FOLH1: variants seen among roughly 807,000 people sequenced by gnomAD.
FOLH1 encodes the protein folate hydrolase 1.
In FOLH1, 54 loss-of-function variants were observed where a neutral mutation model predicts 93.9. The observed-to-expected ratio is 0.57, with a 90% CI of 0.46 to 0.72. The LOEUF (loss-of-function observed/expected upper bound fraction) is 0.72, where lower values mean the gene tolerates loss of function less well. Ranked by LOEUF, FOLH1 falls within the 30% of genes least tolerant of loss-of-function variation. The probability of loss-of-function intolerance (pLI) is 0.00; values close to 1 mark genes in which losing one functional copy is unlikely to be tolerated. For missense variants in FOLH1, 571 were observed against 892.5 expected (o/e 0.64, Z 4.59); for synonymous variants, 249 against 303.6 (o/e 0.82, Z 1.87).
At chr11:49,153,754 A>T in intron 17 of FOLH1, 92 bp downstream of exon 17, 1 of 898,778 alleles carries the variant, frequency 1.1e-6, no homozygotes, top group Non-Finnish European at 1.5e-6. Flanking sequence ...AGAAATTCCC[A>T]AAGCTAGTTC....
At chr11:49,176,900 C>A (rs566611472) in intron 7 of FOLH1, among the ~76,000 whole-genome samples, 3 of 152,018 alleles carry the variant, frequency 2.0e-5, no homozygotes, top group Admixed American at 6.5e-5. Flanking sequence ...TGATATTATA[C>A]TGAGATGTTT....
At chr11:49,176,268 C>T (rs1028871626) in intron 7 of FOLH1, among the ~76,000 whole-genome samples, 11 of 152,110 alleles carry the variant, frequency 7.2e-5, no homozygotes, top group African/African-American at 2.7e-4. Flanking sequence ...TCTAAAAGTG[C>T]TTTCCAGAGC....
intron 11 of FOLH1, among the ~76,000 whole-genome samples, chr11:49,170,639 A>C (rs1859145290): frequency 6.6e-6 from 1 of 152,204 alleles, no homozygotes; most frequent in Non-Finnish European, 1.5e-5. Context: ...ATATTTTGGA[A>C]AGCGTAATAG....
At chr11:49,158,212 TACTC>T (rs1374611942) in intron 13 of FOLH1, among the ~76,000 whole-genome samples, 169 bp from the exon 14 acceptor site, 1 of 152,106 alleles carries the variant, frequency 6.6e-6, no homozygotes. Flanking sequence ...AGTGGGAAAA[TACTC>T]ATGTGATTAT....
chr11:49,191,815 A>T (rs1387357537), intron 4 of FOLH1, among the ~76,000 whole-genome samples: 2 of 152,226 alleles, frequency 1.3e-5, no homozygotes, highest in Admixed American at 6.5e-5. Context: ...CTCCTGCCTC[A>T]GCCTCCTGAG....
At chr11:49,180,730 T>C (rs1350363834) in intron 7 of FOLH1, among the ~76,000 whole-genome samples, 1 of 152,190 alleles carries the variant, frequency 6.6e-6, no homozygotes, top group Non-Finnish European at 1.5e-5. Flanking sequence ...CATATGTTCT[T>C]TTAAACAATT....
In FOLH1 at chr11:49,199,874, G is replaced by A. The variant is rs1472822183; in HGVS notation, c.411+381C>T. ...TGCAGTGAGCCGAGATGGCACCACT[G>A]CACTCCAGCCTGCCTGACAGGAGTG... is the stretch of plus-strand genomic sequence containing the variant. On this transcript the variant is annotated intron_variant, in intron 3 of 18. Coordinates refer to ENST00000256999, the MANE Select transcript of FOLH1 (RefSeq NM_004476.3). Among the ~76,000 whole-genome samples, 3 of 151,414 alleles carry A rather than the reference G, an allele frequency of 2.0e-5. 1 individual carries two copies. Among genetic ancestry groups the A allele is most frequent in the African/African-American group, 7.3e-5 (3 of 41,218 alleles).
At chr11:49,158,120 T>A (rs1393016295) in intron 13 of FOLH1, 77 bp from the exon 14 acceptor site, 3 of 1,378,514 alleles carry the variant, frequency 2.2e-6, no homozygotes, top group East Asian at 2.5e-5. Flanking sequence ...TAACCAGAAG[T>A]GAGTAACTAA....
chr11:49,207,971 A>ACAAAACAAAAG, intron 1 of FOLH1: 1 of 591,950 alleles, frequency 1.7e-6, no homozygotes, highest in Non-Finnish European at 3.2e-6. Context: ...ACAAAACAAA[A>ACAAAACAAAAG]CAAAAGCAAA....
chr11:49,164,906 C>A (rs1858175922), intron 12 of FOLH1, 134 bp from the exon 13 acceptor site: 2 of 704,020 alleles, frequency 2.8e-6, no homozygotes, highest in African/African-American at 1.8e-5. Flanking sequence ...CCAATGGCTT[C>A]CCAACTAACT....
intron 15 of FOLH1, among the ~76,000 whole-genome samples, chr11:49,156,013 G>A (rs1856994447): frequency 6.6e-6 from 1 of 151,166 alleles, no homozygotes; most frequent in Admixed American, 6.6e-5. Flanking sequence ...TTCCTGCACT[G>A]CTCTCGTGAT....
At chr11:49,162,405 C>T (rs1857809963) in intron 13 of FOLH1, among the ~76,000 whole-genome samples, 1 of 152,168 alleles carries the variant, frequency 6.6e-6, no homozygotes, top group South Asian at 2.1e-4. Context: ...TTGGTCTATA[C>T]TGCTATCAAT....
intron 13 of FOLH1, among the ~76,000 whole-genome samples, chr11:49,161,983 T>A (rs1857755128): frequency 6.6e-6 from 1 of 152,238 alleles, no homozygotes; most frequent in Admixed American, 6.5e-5. Flanking sequence ...GGGTTTCAGC[T>A]GAGAGGTCCA....
chr11:49,203,969 A>C (rs565154457), intron 2 of FOLH1, among the ~76,000 whole-genome samples: 47 of 152,234 alleles, frequency 3.1e-4, no homozygotes, highest in African/African-American at 1.0e-3. Context: ...CTGAATGCAG[A>C]CTCCAGGGAG....
chr11:49,149,514 A>G (rs1856228738), intron 17 of FOLH1, among the ~76,000 whole-genome samples: 1 of 152,184 alleles, frequency 6.6e-6, no homozygotes, highest in Non-Finnish European at 1.5e-5. Context: ...ATTATATAAA[A>G]TAGAAAATGT....
intron 13 of FOLH1, among the ~76,000 whole-genome samples, chr11:49,164,397 GT>G (rs1361562233): frequency 6.6e-6 from 1 of 152,152 alleles, no homozygotes; most frequent in Non-Finnish European, 1.5e-5. Context: ...CCAAGTCTTG[GT>G]TCGGCTACCG....
At chr11:49,194,569 T>C (rs1442942976) in intron 3 of FOLH1, among the ~76,000 whole-genome samples, 3 of 151,886 alleles carry the variant, frequency 2.0e-5, no homozygotes, top group Non-Finnish European at 4.4e-5. Flanking sequence ...ACCAAAGCTT[T>C]AGGGGAAAAA....
chr11:49,168,434 T>C (rs1434155795), intron 12 of FOLH1, among the ~76,000 whole-genome samples: 3 of 152,190 alleles, frequency 2.0e-5, no homozygotes, highest in Non-Finnish European at 4.4e-5. Flanking sequence ...TTTGGTCCTT[T>C]GCTTATTAAA....
chr11:49,151,373 C>T (rs999788607), intron 17 of FOLH1, among the ~76,000 whole-genome samples: 60 of 3,262 alleles, frequency 0.018, no homozygotes, highest in Non-Finnish European at 8.5e-3. Flanking sequence ...AGTACAAAAA[C>T]TCGTGGCCAC....
Sources: allele counts gnomAD v4.1 joint callset (sites outside exome capture counted in the v4.1 genomes callset), GRCh38; gene constraint gnomAD v4.1.1; transcripts MANE v1.5; gene names NCBI Gene and HGNC (gene_info 2026-07-23, HGNC 2026-07-21).